Variants in MINDY4 observed in about 807,000 individuals in gnomAD.
MINDY4 encodes the protein probable ubiquitin carboxyl-terminal hydrolase MINDY-4.
A neutral mutation model predicts 87.0 loss-of-function variants in MINDY4; 68 were observed. The observed-to-expected ratio is 0.78, with a 90% CI of 0.64 to 0.96. The LOEUF (loss-of-function observed/expected upper bound fraction) is 0.96. Among genes scored for constraint, MINDY4 ranks in the 40% least tolerant of loss-of-function variants. MINDY4 has a pLI of 0.00. For synonymous variants in MINDY4, 379 were observed against 363.2 expected, an observed-to-expected ratio of 1.04 and a Z score of -0.50; for missense variants, 919 against 928.2, an observed-to-expected ratio of 0.99 and a Z score of 0.13.
intron 5 of MINDY4, among the ~76,000 whole-genome samples, chr7:30,803,776 T>C (rs1357955009): frequency 2.0e-5 from 3 of 152,236 alleles, no homozygotes; most frequent in Admixed American, 6.5e-5. Context: ...TTCCCCAGCG[T>C]GTTTTTCTAC....
Position 30,872,316 on chromosome 7 carries a change from C to A in MINDY4, c.1809+10C>A, listed in dbSNP as rs371783786. On this transcript the variant is annotated intron_variant, in intron 14 of 17. Coordinates refer to ENST00000265299, the MANE Select transcript of MINDY4 (RefSeq NM_032222.3). Reference sequence around the variant, plus strand: ...TGGCTACTGTACACAGGTCAGGGGGCGCTGTGGGGCCCAGGTGGTCCTTCC... The same window carrying A: ...TGGCTACTGTACACAGGTCAGGGGGAGCTGTGGGGCCCAGGTGGTCCTTCC... The A allele has an allele frequency of 6.8e-6, 11 of 1,613,516 alleles. No individual in the cohort carries two copies. The South Asian group carries it at 1.2e-4, about 18-fold the overall frequency.
rs1037764887 is a variant in MINDY4, at chr7:30,828,742, G to A, written c.1132+5G>A. 6.2e-7 allele frequency: 1 copy of A among 1,611,688 alleles called. No individual in the cohort carries two copies. Among genetic ancestry groups the A allele is most frequent in the Non-Finnish European group, 8.5e-7 (1 of 1,179,990 alleles). On this transcript the variant is annotated splice_donor_5th_base_variant and intron_variant, in intron 6 of 17. Transcript: ENST00000265299. ...AGCTGGGTGCCCTGCGGCTCGGTAGGTGCAGCGGGTGCCTCTGTGCTGTGC... is the reference window on the plus strand; with the variant it reads ...AGCTGGGTGCCCTGCGGCTCGGTAGATGCAGCGGGTGCCTCTGTGCTGTGC...
At chr7:30,836,156 TA>T (rs1788850698) in intron 6 of MINDY4, among the ~76,000 whole-genome samples, 2 of 152,238 alleles carry the variant, frequency 1.3e-5, no homozygotes, top group South Asian at 4.1e-4. Flanking sequence ...AAGCAGTCAA[TA>T]AATGCAAGTT....
chr7:30,882,216 C>G lies in MINDY4; in HGVS notation c.2007C>G (p.Ile669Met). 6.2e-7 allele frequency: 1 copy of G among 1,613,050 alleles called. No homozygotes were observed. Among genetic ancestry groups the G allele is most frequent in the Non-Finnish European group, 8.5e-7 (1 of 1,179,130 alleles). ...GCFLKTPRFP[I>M]WVVCSESHFS... The stretch of plus-strand genomic sequence containing the variant: ...TCCTGAAGACCCCGAGGTTCCCCAT[C>G]TGGGTGGTTTGCAGTGAGAGCCACT... The change falls in exon 16 of 18, where the codon ATC becomes ATG. Residue 669 changes from isoleucine (I) to methionine (M), a missense_variant. Transcript: ENST00000265299.
At chr7:30,792,204 G>T (rs1006574091) in intron 5 of MINDY4, among the ~76,000 whole-genome samples, 4 of 152,098 alleles carry the variant, frequency 2.6e-5, no homozygotes, top group African/African-American at 9.7e-5. Context: ...ATTGATTTCT[G>T]AATGTTAAAC....
intron 6 of MINDY4, among the ~76,000 whole-genome samples, chr7:30,834,036 T>C (rs1788787043): frequency 6.6e-6 from 1 of 152,218 alleles, no homozygotes; most frequent in African/African-American, 2.4e-5. Flanking sequence ...TCCAGGCACA[T>C]GGTGCAAGCT....
At chr7:30,802,930 C>T (rs1787702008) in intron 5 of MINDY4, 1 of 152,052 alleles carries the variant, frequency 6.6e-6, no homozygotes, top group African/African-American at 2.4e-5. Flanking sequence ...TCATCTCACC[C>T]ACCCAACCAA....
rs773434958 is a variant in MINDY4, at chr7:30,771,572, C to A, written c.63+16C>A. On this transcript the variant is annotated intron_variant, in intron 1 of 17. Coordinates refer to ENST00000265299, the MANE Select transcript of MINDY4 (RefSeq NM_032222.3). Reference sequence around the variant, plus strand: ...CAGCAGAAAGGTAACGGCTCGCCCCCTCCAAAGCCCAGGAAGTGGCTCTAA... The same window carrying A: ...CAGCAGAAAGGTAACGGCTCGCCCCATCCAAAGCCCAGGAAGTGGCTCTAA... 3.8e-6 allele frequency: 6 copies of A among 1,580,560 alleles called. No individual in the cohort carries two copies. The Admixed American group carries it at 9.4e-5, about 25-fold the overall frequency.
intron 17 of MINDY4, among the ~76,000 whole-genome samples, chr7:30,887,804 C>T (rs1468741315): frequency 6.6e-6 from 1 of 152,214 alleles, no homozygotes; most frequent in African/African-American, 2.4e-5. Context: ...AGTCAGAGAA[C>T]ACTTCTGCAA....
At position 30,771,528 on chromosome 7, in the gene MINDY4, C is replaced by T. The variant is rs1022112424; in HGVS notation, c.35C>T (p.Ser12Phe). The stretch of plus-strand genomic sequence containing the variant: ...CTCTTCGTGGAGGAGGTGGCCGCCT[C>T]CTTGGTCAGGGAGTTCCTCAGCAGA... ...DSLFVEEVAA[S>F]LVREFLSRKG... is the part of the protein sequence containing the mutation. The change falls in exon 1 of 18, where the codon TCC becomes TTC. Residue 12 changes from serine (S) to phenylalanine (F), a missense_variant. By Grantham distance (155) the Ser-to-Phe change is radical. Coordinates refer to ENST00000265299, the MANE Select transcript of MINDY4 (RefSeq NM_032222.3). The T allele has an allele frequency of 1.9e-6, 3 of 1,604,380 alleles. No individual in the cohort carries two copies. In the East Asian group the frequency reaches 6.7e-5, roughly 36 times the overall value.
intron 6 of MINDY4, among the ~76,000 whole-genome samples, chr7:30,829,947 C>T (rs908620211): frequency 6.6e-6 from 1 of 151,942 alleles, no homozygotes; most frequent in African/African-American, 2.4e-5. Flanking sequence ...GGAGGGAGGC[C>T]GACCCCTCTT....
chr7:30,838,715 G>A (rs150937897), intron 7 of MINDY4, among the ~76,000 whole-genome samples: 2,346 of 152,232 alleles, frequency 0.015, 26 homozygotes, highest in Non-Finnish European at 0.02. Context: ...TCACCTGGGG[G>A]AATCTTAAAA....
intron 5 of MINDY4, among the ~76,000 whole-genome samples, chr7:30,799,971 G>A (rs1475391608): frequency 6.6e-6 from 1 of 152,134 alleles, no homozygotes; most frequent in African/African-American, 2.4e-5. Context: ...TGAGCTTTTT[G>A]TGCCCCTCTT....
At chr7:30,791,598 C>G in intron 5 of MINDY4, 24 bp downstream of exon 5, 1 of 1,567,380 alleles carries the variant, frequency 6.4e-7, no homozygotes, top group Non-Finnish European at 8.6e-7. Context: ...GCAAAGGTGA[C>G]GGCTTTTCAA....
rs371454713 is a variant in MINDY4 at position 30,822,627 on chromosome 7, T to TTTA, written c.1074-6050_1074-6049insATT. 7.0e-3 allele frequency among the ~76,000 whole-genome samples: 1,017 copies of TTTA among 145,728 alleles called. 14 individuals carry two copies. Among genetic ancestry groups the TTTA allele is most frequent in the African/African-American group, 0.025 (939 of 37,722 alleles). On this transcript the variant is annotated intron_variant, in intron 5 of 17. Coordinates refer to ENST00000265299, the MANE Select transcript of MINDY4 (RefSeq NM_032222.3). ...TTGTCTTGGTTGACGTGCCTGTCTA[T>TTTA]TTTATTTATTTATTTATTTATTTAT...
chr7:30,882,337 C>G lies in MINDY4; in HGVS notation c.2128C>G (p.Gln710Glu), dbSNP rs1790489518. The G allele has an allele frequency of 6.2e-7, 1 of 1,605,800 alleles. No individual in the cohort carries two copies. The highest frequency in any genetic ancestry group is 8.5e-7 in the Non-Finnish European group (1 of 1,173,742). The change falls in exon 16 of 18, where the codon CAG (glutamine) becomes GAG (glutamate). Residue 710 changes from glutamine to glutamate, a missense_variant. Gln to Glu is a conservative substitution (Grantham distance 29). Transcript: ENST00000265299. ...LYYYDGLANQ[Q>E]EQIRLTIDTT... Reference sequence around the variant, plus strand: ...CTACTACGATGGCCTGGCCAACCAGCAGGAGCAGATCCGGCTGACCATTGG... The same window carrying G: ...CTACTACGATGGCCTGGCCAACCAGGAGGAGCAGATCCGGCTGACCATTGG...
At chr7:30,867,502 T>C (rs1789975534) in intron 13 of MINDY4, among the ~76,000 whole-genome samples, 1 of 152,194 alleles carries the variant, frequency 6.6e-6, no homozygotes, top group Non-Finnish European at 1.5e-5. Context: ...ATTGTACCTG[T>C]ATTGCAAATG....
intron 14 of MINDY4, 69 bp from the exon 15 acceptor site, chr7:30,875,426 A>G (rs1790228087): frequency 6.4e-7 from 1 of 1,552,794 alleles, no homozygotes; most frequent in South Asian, 1.1e-5. Context: ...GTCTTTCCCC[A>G]GTCTCCTCTC....
At chr7:30,848,192 T>C (rs1239766525) in intron 9 of MINDY4, among the ~76,000 whole-genome samples, 1 of 152,212 alleles carries the variant, frequency 6.6e-6, no homozygotes, top group African/African-American at 2.4e-5. Context: ...GAAAGTACAC[T>C]CCAGGCACGA....
Sources: allele counts gnomAD v4.1 joint callset (sites outside exome capture counted in the v4.1 genomes callset), GRCh38; gene constraint gnomAD v4.1.1; transcripts MANE v1.5; gene names NCBI Gene and HGNC (gene_info 2026-07-23, HGNC 2026-07-21).